The following ATMIN variants were observed in gnomAD, a reference collection of about 807,000 sequenced individuals.
ATMIN encodes ATM interactor, also known as ATM INteracting protein.
A neutral mutation model predicts 49.2 loss-of-function variants in ATMIN; 24 were observed. That is an observed-to-expected ratio of 0.49 (90% CI 0.35 to 0.69). The LOEUF (loss-of-function observed/expected upper bound fraction) is 0.69, where lower values mean the gene tolerates loss of function less well. Among genes scored for constraint, ATMIN ranks in the 30% least tolerant of loss-of-function variants. The probability of loss-of-function intolerance (pLI) is 0.00; values close to 1 mark genes in which losing one functional copy is unlikely to be tolerated. For missense variants in ATMIN, 1,037 were observed against 1,005.5 expected, an observed-to-expected ratio of 1.03 and a Z score of -0.42; for synonymous variants, 450 against 392.5, an observed-to-expected ratio of 1.15 and a Z score of -1.73.
intron 1 of ATMIN, chr16:81,037,601 T>G: frequency 3.0e-6 from 2 of 669,656 alleles, no homozygotes; most frequent in Non-Finnish European, 1.8e-6. Flanking sequence ...CATACTAAAT[T>G]TTAACTAAAT....
At position 81,046,747 on chromosome 16, in the gene ATMIN, C is replaced by G. The variant is rs562381984; in HGVS notation, c.*1777C>G. On this transcript the variant is annotated 3_prime_UTR_variant, in exon 4 of 4. Transcript: ENST00000299575. ...ATTACTGAAAGCTAAATCCTCAAAACCTAGTAAGGGGACTAATGATTCATT... is the reference window on the plus strand; with the variant it reads ...ATTACTGAAAGCTAAATCCTCAAAAGCTAGTAAGGGGACTAATGATTCATT... 1 of 152,092 alleles carries G rather than the reference C, an allele frequency of 6.6e-6. No individual in the cohort carries two copies. The highest frequency in any genetic ancestry group is 2.4e-5 in the African/African-American group (1 of 41,294). The allele number at this position is 152,092 out of a possible 1,614,324, so 9.4% of individuals were successfully genotyped here. A position where few individuals can be genotyped will look rare whatever the true frequency, so the allele number is the denominator to read the frequency against.
chr16:81,037,201 A>G lies in ATMIN; in HGVS notation c.336+995A>G, dbSNP rs945599870. On this transcript the variant is annotated intron_variant, in intron 1 of 3. Transcript: ENST00000299575. ...TCCACCACTCTAGGCCAGCAGTGACATAATTCAAAAGCGCAAGTCATTGAA... is the reference window on the plus strand; with the variant it reads ...TCCACCACTCTAGGCCAGCAGTGACGTAATTCAAAAGCGCAAGTCATTGAA... 8 of 985,384 alleles carry G rather than the reference A, an allele frequency of 8.1e-6. No homozygotes were observed. In the African/African-American group the frequency reaches 1.4e-4, roughly 17 times the overall value. The allele number at this position is 985,384 out of a possible 1,614,324, so 61.0% of individuals were successfully genotyped here.
At chr16:81,038,962 AT>A (rs1235137212) in intron 1 of ATMIN, among the ~76,000 whole-genome samples, 2 of 151,914 alleles carry the variant, frequency 1.3e-5, no homozygotes, top group African/African-American at 4.8e-5. Context: ...CGCCCGACTA[AT>A]TTTTGTTTTA....
intron 1 of ATMIN, among the ~76,000 whole-genome samples, chr16:81,036,688 G>GACAGGGC (rs1970942346): frequency 2.6e-5 from 4 of 152,302 alleles, no homozygotes; most frequent in Middle Eastern, 3.4e-3. Flanking sequence ...CTGCCCAGTG[G>GACAGGGC]ACTGTATGTG....
At chr16:81,037,287 T>C (rs1970955603) in intron 1 of ATMIN, 4 of 985,318 alleles carry the variant, frequency 4.1e-6, no homozygotes, top group African/African-American at 3.5e-5. Context: ...ACCCAGAATA[T>C]TGCATGTTCT....
chr16:81,040,519 C>A (rs1971019209), intron 1 of ATMIN: 1 of 152,154 alleles, frequency 6.6e-6, no homozygotes, highest in South Asian at 2.1e-4. Flanking sequence ...TATAATGCTA[C>A]CAGTTTTTAT....
At chr16:81,037,180 C>A in intron 1 of ATMIN, 6 of 985,444 alleles carry the variant, frequency 6.1e-6, no homozygotes, top group Non-Finnish European at 7.2e-6. Context: ...TTTCCTTCCA[C>A]CACTCTAGGC....
intron 2 of ATMIN, 174 bp downstream of exon 2, chr16:81,041,655 G>A (rs1236594691): frequency 3.4e-5 from 24 of 709,076 alleles, no homozygotes; most frequent in Non-Finnish European, 5.0e-5. Flanking sequence ...AGGGAAAAGC[G>A]GCACGGTCTG....
Position 81,044,800 on chromosome 16 carries a change from A to G in ATMIN, c.2302A>G (p.Met768Val), listed in dbSNP as rs978483581. 4 of 1,614,076 alleles carry G rather than the reference A, an allele frequency of 2.5e-6. No homozygotes were observed. In the African/African-American group the frequency reaches 4.0e-5, roughly 16 times the overall value. ...GTTGAACAGTACAGAAACACAGACCATGAGTTCTGGGTTTGAAACCCTGGG... is the reference window on the plus strand; with the variant it reads ...GTTGAACAGTACAGAAACACAGACCGTGAGTTCTGGGTTTGAAACCCTGGG... ...VQLNSTETQT[M>V]SSGFETLGSL... The change falls in exon 4 of 4, where the codon ATG becomes GTG. Residue 768 changes from methionine to valine, a missense_variant. Physicochemically the swap from Met to Val is conservative, Grantham distance 21. Transcript: ENST00000299575.
intron 1 of ATMIN, among the ~76,000 whole-genome samples, chr16:81,038,357 C>T (rs1764245785): frequency 6.6e-6 from 1 of 152,032 alleles, no homozygotes; most frequent in Non-Finnish European, 1.5e-5. Context: ...TCTCGAACTC[C>T]TGACCTCAAG....
chr16:81,037,399 T>G, intron 1 of ATMIN: 1 of 985,408 alleles, frequency 1.0e-6, no homozygotes, highest in Non-Finnish European at 1.2e-6. Flanking sequence ...AGTGATCTGC[T>G]CTTACCACCA....
intron 1 of ATMIN, 125 bp from the exon 2 acceptor site, chr16:81,041,231 A>T: frequency 9.7e-7 from 1 of 1,030,160 alleles, no homozygotes; most frequent in Non-Finnish European, 1.4e-6. Flanking sequence ...TGCTGACACT[A>T]GATGGAAAAA....
intron 1 of ATMIN, chr16:81,041,094 G>A (rs190703706): frequency 5.6e-5 from 20 of 356,092 alleles, no homozygotes; most frequent in Non-Finnish European, 1.0e-4. Flanking sequence ...TACAAGGGGG[G>A]CATCTCCCTG....
chr16:81,038,109 G>C (rs896956214), intron 1 of ATMIN, among the ~76,000 whole-genome samples: 3 of 151,704 alleles, frequency 2.0e-5, no homozygotes, highest in Admixed American at 1.3e-4. Flanking sequence ...GTATACAGTA[G>C]GTTTGTTTCT....
chr16:81,041,885 G>T (rs1971042591), intron 2 of ATMIN, among the ~76,000 whole-genome samples: 1 of 152,100 alleles, frequency 6.6e-6, no homozygotes, highest in African/African-American at 2.4e-5. Flanking sequence ...GAGGAGGGAG[G>T]GCCCCAGTGA....
chr16:81,036,397 C>T (rs896727636), intron 1 of ATMIN, among the ~76,000 whole-genome samples, 191 bp downstream of exon 1: 2 of 151,968 alleles, frequency 1.3e-5, no homozygotes, highest in African/African-American at 4.8e-5. Flanking sequence ...CAGGTGCGGC[C>T]TCTGGGGGGG....
rs749860431 is a variant in ATMIN at position 81,044,373 on chromosome 16, A to G, written c.1875A>G (p.Pro625=). Residue 625 remains proline, a synonymous_variant, in exon 4 of 4, where the codon CCA becomes CCG. Coordinates refer to ENST00000299575, the MANE Select transcript of ATMIN (RefSeq NM_015251.3). ...ATCCTGGACCTGACACCCAGCTCCC[A>G]TCTGGCCCAGCCCAGAACCCCGGAA... The part of the protein sequence containing the change: ...DTNPGPDTQL[P]SGPAQNPGID... 8.3e-5 allele frequency: 134 copies of G among 1,614,012 alleles called. No individual in the cohort carries two copies. In the Admixed American group the frequency reaches 1.6e-3, roughly 19 times the overall value.
In ATMIN at chr16:81,045,350, T is replaced by C. The variant is rs1971100548; in HGVS notation, c.*380T>C. The C allele has an allele frequency of 5.6e-6, 1 of 178,666 alleles. No homozygotes were observed. The highest frequency in any genetic ancestry group is 2.4e-5 in the African/African-American group (1 of 41,986). 11.1% of individuals were successfully genotyped at this position (178,666 alleles called of 1,614,324 possible). A position where few individuals can be genotyped will look rare whatever the true frequency, so the allele number is the denominator to read the frequency against. On this transcript the variant is annotated 3_prime_UTR_variant, in exon 4 of 4. Transcript: ENST00000299575. ...AAAACATTTTAGTCAAAGTGTAATA[T>C]ACTTAAACTGCACCTAAAATATCTT...
chr16:81,043,327 T>A lies in ATMIN; in HGVS notation c.829T>A (p.Ser277Thr), dbSNP rs1971066717. ...LEPSFEDSCG[S>T]NTDKQTLTTP... is the part of the protein sequence containing the mutation. ...ACCATCTTTTGAAGACTCTTGTGGC[T>A]CTAACACTGACAAGCAGACTCTTAC... is the stretch of plus-strand genomic sequence containing the variant. Residue 277 changes from serine (S) to threonine (T), a missense_variant, in exon 4 of 4, where the codon TCT becomes ACT. Coordinates refer to ENST00000299575, the MANE Select transcript of ATMIN (RefSeq NM_015251.3). 6.2e-7 allele frequency: 1 copy of A among 1,613,892 alleles called. No individual in the cohort carries two copies. Among genetic ancestry groups the A allele is most frequent in the Admixed American group, 1.7e-5 (1 of 59,990 alleles).
Sources: allele counts gnomAD v4.1 joint callset (sites outside exome capture counted in the v4.1 genomes callset), GRCh38; gene constraint gnomAD v4.1.1; transcripts MANE v1.5; gene names NCBI Gene and HGNC (gene_info 2026-07-23, HGNC 2026-07-21).